Variants in ACYP2 observed in about 807,000 individuals in gnomAD.
ACYP2 encodes the protein acylphosphatase-2.
Under a neutral mutation model 11.2 loss-of-function variants are expected in ACYP2, and 12 were observed. The ratio of observed to expected loss-of-function variants is 1.08; its 90% CI spans 0.69 to 1.74. ACYP2 has a LOEUF of 1.74. ACYP2 is among the 40% of genes most tolerant of loss of function. ACYP2 has a pLI of 0.00. For missense variants in ACYP2, 134 were observed against 101.9 expected (o/e 1.31, Z -1.35); for synonymous variants, 43 against 32.2 (o/e 1.33, Z -1.13).
At chr2:54,220,931 T>C (rs1457484708) in intron 6 of ACYP2, among the ~76,000 whole-genome samples, 1 of 152,234 alleles carries the variant, frequency 6.6e-6, no homozygotes, top group Non-Finnish European at 1.5e-5. Context: ...GCATTCATTG[T>C]TGGGTACTTT....
chr2:54,120,519 T>A (rs1362411185), intron 4 of ACYP2, among the ~76,000 whole-genome samples: 1 of 152,218 alleles, frequency 6.6e-6, no homozygotes, highest in Non-Finnish European at 1.5e-5. Flanking sequence ...TTAGAATTTT[T>A]TTTTGACTGA....
intron 6 of ACYP2, among the ~76,000 whole-genome samples, chr2:54,201,642 C>CTTTGTTTCTT (rs768069057): frequency 0.025 from 1,920 of 78,132 alleles, 33 homozygotes; most frequent in East Asian, 0.04. Flanking sequence ...CTTTCTCTTT[C>CTTTGTTTCTT]TTTCTTTCTT....
chr2:54,274,383 G>A (rs1221070771), intron 6 of ACYP2, among the ~76,000 whole-genome samples: 1 of 152,118 alleles, frequency 6.6e-6, no homozygotes, highest in Non-Finnish European at 1.5e-5. Context: ...CATATCAACT[G>A]TAATCCCAGC....
intron 6 of ACYP2, among the ~76,000 whole-genome samples, chr2:54,250,990 G>A (rs759978663): frequency 3.3e-5 from 5 of 152,172 alleles, no homozygotes; most frequent in African/African-American, 9.7e-5. Context: ...ACATGGTGAC[G>A]CCAGTCTTCA....
At chr2:54,202,564 C>T (rs115934198) in intron 6 of ACYP2, among the ~76,000 whole-genome samples, 4,429 of 151,408 alleles carry the variant, frequency 0.029, 223 homozygotes, top group African/African-American at 0.1. Flanking sequence ...CCCACCAATA[C>T]GCCTGGCTAA....
At chr2:54,078,828 C>G (rs895528495) in intron 4 of ACYP2, among the ~76,000 whole-genome samples, 3 of 152,028 alleles carry the variant, frequency 2.0e-5, no homozygotes, top group African/African-American at 7.3e-5. Flanking sequence ...GAACTCCTGA[C>G]CTCAAGTGAT....
At chr2:54,017,035 T>A (rs1010916427) in intron 2 of ACYP2, among the ~76,000 whole-genome samples, 2 of 152,012 alleles carry the variant, frequency 1.3e-5, no homozygotes, top group Non-Finnish European at 2.9e-5. Context: ...CTTCAGTGTC[T>A]TTTGAGGACC....
At chr2:54,158,686 C>T (rs1682554394) in intron 6 of ACYP2, among the ~76,000 whole-genome samples, 1 of 152,168 alleles carries the variant, frequency 6.6e-6, no homozygotes, top group Non-Finnish European at 1.5e-5. Context: ...TTTGGATTCA[C>T]TTTTAATTAT....
At chr2:54,009,811 A>C (rs1165418009) in intron 2 of ACYP2, among the ~76,000 whole-genome samples, 1 of 152,210 alleles carries the variant, frequency 6.6e-6, no homozygotes, top group Non-Finnish European at 1.5e-5. Context: ...GCTAACACTT[A>C]TCATGTACTT....
intron 4 of ACYP2, among the ~76,000 whole-genome samples, chr2:54,078,406 C>CGTACCATATATG (rs1278464406): frequency 1.1e-4 from 9 of 84,038 alleles, no homozygotes; most frequent in Admixed American, 5.6e-4. Flanking sequence ...TATATATATG[C>CGTACCATATATG]GTACCATATA....
Position 54,304,507 on chromosome 2 carries a change from T to C in ACYP2, c.405-181T>C, listed in dbSNP as rs75214152. 8.1e-3 allele frequency among the ~76,000 whole-genome samples: 1,232 copies of C among 152,252 alleles called. 15 individuals carry two copies. The highest frequency in any genetic ancestry group is 0.027 in the African/African-American group (1,136 of 41,534). On this transcript the variant is annotated intron_variant, in intron 6 of 6. Coordinates refer to ENST00000607452, the MANE Select transcript of ACYP2 (RefSeq NM_001320586.2). ...GATTTTCTTCATCTGTATTTAATTA[T>C]ACATTATACTCTGTGGTATTCTTAG...
At chr2:54,050,133 C>CT (rs1675762337) in intron 2 of ACYP2, among the ~76,000 whole-genome samples, 2 of 151,948 alleles carry the variant, frequency 1.3e-5, no homozygotes, top group South Asian at 2.1e-4. Flanking sequence ...AAATTTTTTT[C>CT]TTTTTTTTCC....
intron 6 of ACYP2, among the ~76,000 whole-genome samples, chr2:54,236,772 G>A (rs1461904752): frequency 6.6e-6 from 1 of 152,134 alleles, no homozygotes; most frequent in Non-Finnish European, 1.5e-5. Context: ...GGTATGTTCA[G>A]ATTTCTCACT....
chr2:54,059,238 G>A (rs760360887), intron 4 of ACYP2, among the ~76,000 whole-genome samples: 17 of 147,482 alleles, frequency 1.2e-4, no homozygotes, highest in Non-Finnish European at 1.9e-4. Flanking sequence ...TTTCTTTTGA[G>A]TTGGAATTTT....
At chr2:54,139,989 A>G (rs1681511534) in intron 6 of ACYP2, among the ~76,000 whole-genome samples, 1 of 152,240 alleles carries the variant, frequency 6.6e-6, no homozygotes, top group African/African-American at 2.4e-5. Flanking sequence ...CAGTAAATAT[A>G]TAATTATCAA....
At chr2:54,227,635 A>T (rs1686064617) in intron 6 of ACYP2, among the ~76,000 whole-genome samples, 2 of 152,164 alleles carry the variant, frequency 1.3e-5, no homozygotes, top group African/African-American at 4.8e-5. Flanking sequence ...AAAAAAAAAA[A>T]ATATGCACAC....
intron 4 of ACYP2, among the ~76,000 whole-genome samples, chr2:54,103,013 G>A (rs1678981165): frequency 6.6e-6 from 1 of 152,158 alleles, no homozygotes; most frequent in Non-Finnish European, 1.5e-5. Flanking sequence ...AAAATCTGAT[G>A]AGTTAGGATT....
At chr2:54,136,655 C>T (rs746954755) in intron 5 of ACYP2, among the ~76,000 whole-genome samples, 2 of 152,160 alleles carry the variant, frequency 1.3e-5, no homozygotes, top group Non-Finnish European at 2.9e-5. Context: ...TCACCCTGGC[C>T]TCCATACAGG....
At chr2:54,115,974 A>G (rs1032686384) in intron 4 of ACYP2, among the ~76,000 whole-genome samples, 16 of 149,788 alleles carry the variant, frequency 1.1e-4, no homozygotes, top group Admixed American at 6.6e-5. Context: ...GAAGTGGGGG[A>G]GCGGGAGAGG....
Sources: gnomAD v4.1 joint callset for allele counts (sites outside exome capture counted in the v4.1 genomes callset) on GRCh38, gnomAD v4.1.1 for gene constraint, MANE v1.5 for transcripts, NCBI Gene and HGNC (gene_info 2026-07-23, HGNC 2026-07-21) for gene names.